The following SUMF1 variants were observed in gnomAD, a reference collection of about 807,000 sequenced individuals.
SUMF1 encodes the protein sulfatase modifying factor 1, also known as formylglycine-generating enzyme.
A neutral mutation model predicts 47.6 loss-of-function variants in SUMF1; 48 were observed. The observed-to-expected ratio is 1.01, with a 90% CI of 0.80 to 1.28. The LOEUF (loss-of-function observed/expected upper bound fraction) is 1.28. Among genes scored for constraint, SUMF1 ranks in the 50% most tolerant of loss-of-function variants. The probability of loss-of-function intolerance (pLI) is 0.00; values close to 1 mark genes in which losing one functional copy is unlikely to be tolerated. For synonymous variants in SUMF1, 230 were observed against 192.1 expected (o/e 1.20, Z -1.63); for missense variants, 571 against 485.4 (o/e 1.18, Z -1.66).
At chr3:4,405,028 A>T (rs1276329372) in intron 7 of SUMF1, among the ~76,000 whole-genome samples, 1 of 152,184 alleles carries the variant, frequency 6.6e-6, no homozygotes, top group East Asian at 1.9e-4. Context: ...TCAGGAGGCA[A>T]GCTAAGTAAC....
At chr3:4,348,851 G>C (rs178098) in intron 8 of SUMF1, among the ~76,000 whole-genome samples, 9,752 of 152,248 alleles carry the variant, frequency 0.064, 514 homozygotes, top group South Asian at 0.29. Context: ...CTCCAGCCTG[G>C]GCAACAAGAG....
At chr3:4,400,960 C>G (rs1701191012) in intron 7 of SUMF1, among the ~76,000 whole-genome samples, 1 of 88,198 alleles carries the variant, frequency 1.1e-5, no homozygotes, top group South Asian at 4.8e-4. Context: ...GCTATCCCTC[C>G]CCCCTCCCCC....
chr3:4,359,146 T>G (rs1217936604), downstream of SUMF1, among the ~76,000 whole-genome samples: 1 of 152,246 alleles, frequency 6.6e-6, no homozygotes, highest in Non-Finnish European at 1.5e-5. Flanking sequence ...AGTCCCATTT[T>G]GCTGGTCTGC....
intron 3 of SUMF1, among the ~76,000 whole-genome samples, chr3:4,445,678 A>G (rs1400627342): frequency 6.6e-6 from 1 of 152,186 alleles, no homozygotes; most frequent in Non-Finnish European, 1.5e-5. Flanking sequence ...GTTCATGAAG[A>G]CTTTTTTAAA....
At chr3:4,456,420 G>A (rs2079599741) in intron 1 of SUMF1, among the ~76,000 whole-genome samples, 1 of 150,156 alleles carries the variant, frequency 6.7e-6, no homozygotes, top group South Asian at 2.1e-4. Flanking sequence ...AAGACGTTAT[G>A]TTGTCCCTGA....
At chr3:4,090,018 C>G (rs954055843) in intron 8 of SUMF1, among the ~76,000 whole-genome samples, 1 of 152,118 alleles carries the variant, frequency 6.6e-6, no homozygotes, top group Non-Finnish European at 1.5e-5. Flanking sequence ...CTCAAATCAA[C>G]AAACTGTGAG....
rs563259881 is a variant in SUMF1 at position 4,134,488 on chromosome 3, T to G, written c.1015-65743A>C. On this transcript the variant is annotated intron_variant and NMD_transcript_variant, in intron 8 of 12. Coordinates refer to the SUMF1 transcript ENST00000448413. ...AAAGCAGTGTGTAGAGGGAAATTTA[T>G]AGCACTAAATGCCCACAAGAGAAAG... Among the ~76,000 whole-genome samples the G allele has an allele frequency of 6.4e-3, 978 of 152,234 alleles. 18 individuals carry two copies. The highest frequency in any genetic ancestry group is 0.023 in the African/African-American group (939 of 41,530).
chr3:4,163,664 T>C (rs1694635234), intron 8 of SUMF1, among the ~76,000 whole-genome samples: 3 of 151,528 alleles, frequency 2.0e-5, no homozygotes, highest in African/African-American at 7.3e-5. Context: ...GTAAGTGCCA[T>C]GCTCAAGGTC....
chr3:4,082,488 A>G (rs1427294294), intron 8 of SUMF1, among the ~76,000 whole-genome samples: 1 of 152,072 alleles, frequency 6.6e-6, no homozygotes, highest in Non-Finnish European at 1.5e-5. Context: ...TTAAGTAATT[A>G]ATTAATTTAA....
chr3:4,247,050 G>C (rs1696687244), intron 8 of SUMF1, among the ~76,000 whole-genome samples: 1 of 152,036 alleles, frequency 6.6e-6, no homozygotes, highest in Admixed American at 6.6e-5. Flanking sequence ...CATGTTTTCA[G>C]TATTAATTTC....
intron 8 of SUMF1, among the ~76,000 whole-genome samples, chr3:4,260,552 C>T (rs746200056): frequency 5.3e-5 from 8 of 152,066 alleles, no homozygotes; most frequent in Admixed American, 3.9e-4. Context: ...CTGGGCATAA[C>T]GTAGATCATT....
intron 8 of SUMF1, among the ~76,000 whole-genome samples, chr3:4,171,210 AC>A (rs1694825296): frequency 6.6e-6 from 1 of 152,188 alleles, no homozygotes; most frequent in Non-Finnish European, 1.5e-5. Flanking sequence ...GGATTTTGCC[AC>A]CATCAGCAGC....
intron 8 of SUMF1, among the ~76,000 whole-genome samples, chr3:4,133,121 C>A (rs1224841490): frequency 2.6e-5 from 4 of 152,100 alleles, no homozygotes; most frequent in African/African-American, 9.7e-5. Context: ...GTCATGAGTA[C>A]TTCCTTCTTC....
At chr3:4,314,493 A>T (rs1185230918) in intron 8 of SUMF1, 1 of 152,222 alleles carries the variant, frequency 6.6e-6, no homozygotes, top group Non-Finnish European at 1.5e-5. Context: ...AAGTACTACC[A>T]GTAGTGAAAA....
chr3:4,347,031 G>A (rs1399159543), intron 8 of SUMF1, among the ~76,000 whole-genome samples: 2 of 152,080 alleles, frequency 1.3e-5, no homozygotes, highest in East Asian at 3.8e-4. Context: ...TGAAATTGAG[G>A]CAGTAATTAA....
At chr3:4,051,528 G>A (rs11917349) in intron 9 of SUMF1, among the ~76,000 whole-genome samples, 24,434 of 152,122 alleles carry the variant, frequency 0.16, 2,686 homozygotes, top group African/African-American at 0.3. Flanking sequence ...CCTCCATACA[G>A]ATGTTCTACA....
chr3:4,041,594 A>G (rs1332121082), intron 9 of SUMF1, among the ~76,000 whole-genome samples: 1 of 152,174 alleles, frequency 6.6e-6, no homozygotes, highest in South Asian at 2.1e-4. Context: ...GATAGCTGGC[A>G]TATCTACAGA....
chr3:4,096,932 G>GGA (rs1692918708), intron 8 of SUMF1, among the ~76,000 whole-genome samples: 1 of 152,070 alleles, frequency 6.6e-6, no homozygotes, highest in African/African-American at 2.4e-5. Context: ...TGGATTATTA[G>GGA]GAGGAATTTG....
At chr3:4,273,480 A>T (rs528388384) in intron 8 of SUMF1, among the ~76,000 whole-genome samples, 2 of 152,176 alleles carry the variant, frequency 1.3e-5, no homozygotes, top group African/African-American at 4.8e-5. Flanking sequence ...AGAAACAGAA[A>T]GTAGATCAAC....
Sources: allele counts gnomAD v4.1 joint callset (sites outside exome capture counted in the v4.1 genomes callset), GRCh38; gene constraint gnomAD v4.1.1; transcripts MANE v1.5; gene names NCBI Gene and HGNC (gene_info 2026-07-23, HGNC 2026-07-21).